Variants in ATF3 observed in about 807,000 individuals in gnomAD.
The protein encoded by ATF3 is activating transcription factor 3.
Under a neutral mutation model 18.4 loss-of-function variants are expected in ATF3, and 10 were observed. The ratio of observed to expected loss-of-function variants is 0.54; its 90% CI spans 0.34 to 0.92. ATF3 has a LOEUF of 0.92. Ranked by LOEUF, ATF3 falls within the 40% of genes least tolerant of loss-of-function variation. The pLI is 0.02. For synonymous variants in ATF3, 78 were observed against 87.9 expected (o/e 0.89, Z 0.63); for missense variants, 183 against 222.3 (o/e 0.82, Z 1.12).
chr1:212,566,578 C>T (rs2102617049), intron 1 of ATF3, among the ~76,000 whole-genome samples: 1 of 152,150 alleles, frequency 6.6e-6, no homozygotes, highest in Non-Finnish European at 1.5e-5. Flanking sequence ...GTGACCAGGG[C>T]ATAGAGGGGG....
intron 1 of ATF3, among the ~76,000 whole-genome samples, chr1:212,589,456 T>A (rs1664841148): frequency 6.6e-6 from 1 of 152,092 alleles, no homozygotes; most frequent in Non-Finnish European, 1.5e-5. Context: ...CATATAAGTG[T>A]ACAGAGGGAA....
chr1:212,579,568 G>T (rs1476966034), intron 1 of ATF3, among the ~76,000 whole-genome samples: 1 of 152,220 alleles, frequency 6.6e-6, no homozygotes, highest in Non-Finnish European at 1.5e-5. Flanking sequence ...TGGGGGAACG[G>T]TCAGCCTAGT....
intron 1 of ATF3, among the ~76,000 whole-genome samples, chr1:212,600,536 A>G (rs1250356295): frequency 1.3e-5 from 2 of 152,268 alleles, no homozygotes; most frequent in Non-Finnish European, 2.9e-5. Flanking sequence ...GACAGAGATG[A>G]GCAGGGCACA....
At chr1:212,617,179 C>CAAGGACCAGG (rs1344868061) in intron 2 of ATF3, among the ~76,000 whole-genome samples, 1 of 152,204 alleles carries the variant, frequency 6.6e-6, no homozygotes, top group Non-Finnish European at 1.5e-5. Context: ...GACAGTAGAG[C>CAAGGACCAGG]AAGGACCAGG....
intron 1 of ATF3, among the ~76,000 whole-genome samples, chr1:212,575,803 T>C (rs1664567469): frequency 6.6e-6 from 1 of 152,186 alleles, no homozygotes; most frequent in Non-Finnish European, 1.5e-5. Flanking sequence ...AAAAGGCCTT[T>C]CTTTTTAATT....
chr1:212,573,881 A>G (rs138327804), intron 1 of ATF3, among the ~76,000 whole-genome samples: 1,854 of 151,734 alleles, frequency 0.012, 30 homozygotes, highest in African/African-American at 0.04. Context: ...TATATTTAAA[A>G]TATCTCCTCC....
intron 1 of ATF3, among the ~76,000 whole-genome samples, chr1:212,575,371 G>T (rs998985641): frequency 6.6e-6 from 1 of 151,890 alleles, no homozygotes; most frequent in South Asian, 2.1e-4. Flanking sequence ...GAATGCTATT[G>T]ATTTTTGCAT....
Position 212,618,239 on chromosome 1 carries a change from GTGCCTTC to G in ATF3, c.348+7_348+13del, listed in dbSNP as rs1655216327. Reference sequence around the variant, plus strand: ...AAGACGGAGTGCCTGCAGAAAGTGAGTGCCTTCTAGCCTTACCCTTCCTCTCGCTCAC... The same window carrying G: ...AAGACGGAGTGCCTGCAGAAAGTGAGTAGCCTTACCCTTCCTCTCGCTCAC... On this transcript the variant is annotated splice_donor_region_variant and intron_variant, in intron 3 of 3. Transcript: ENST00000341491. This position sits in a 1 kb window ranked among gnomAD's most constrained non-coding sequence, Gnocchi z 4.4. The G allele has an allele frequency of 3.1e-6, 5 of 1,613,680 alleles. No homozygotes were observed. The highest frequency in any genetic ancestry group is 4.2e-6 in the Non-Finnish European group (5 of 1,179,704).
chr1:212,567,276 A>G (rs373906944), intron 1 of ATF3, among the ~76,000 whole-genome samples: 6 of 152,044 alleles, frequency 3.9e-5, no homozygotes, highest in East Asian at 3.9e-4. Context: ...TAACATAATT[A>G]TGTTTCAGAA....
rs73077743 is a variant in ATF3 at position 212,600,045 on chromosome 1, C to G, written c.-4-14973C>G. 8.3e-3 allele frequency among the ~76,000 whole-genome samples: 1,268 copies of G among 152,338 alleles called. 13 individuals are homozygous for G. Among genetic ancestry groups the G allele is most frequent in the African/African-American group, 0.029 (1,199 of 41,570 alleles). ...AAAAGGCTATTTTAATTTCAGTACACATAAGAGCATTGTGTTTTGTGAATA... is the reference window on the plus strand; with the variant it reads ...AAAAGGCTATTTTAATTTCAGTACAGATAAGAGCATTGTGTTTTGTGAATA... On this transcript the variant is annotated intron_variant, in intron 1 of 3. Transcript: ENST00000366981.
chr1:212,572,297 C>G (rs1005888587), intron 1 of ATF3, among the ~76,000 whole-genome samples: 2 of 152,016 alleles, frequency 1.3e-5, no homozygotes, highest in Admixed American at 1.3e-4. Context: ...CGGGCGGATC[C>G]CCTGAGGTAG....
intron 1 of ATF3, 113 bp from the exon 2 acceptor site, chr1:212,614,905 T>C (rs1242791576): frequency 2.5e-6 from 4 of 1,592,816 alleles, no homozygotes; most frequent in East Asian, 2.2e-5. Flanking sequence ...CAAGGGCTTA[T>C]GGGACTTTTC....
Position 212,619,160 on chromosome 1 carries a change from T to A in ATF3, c.349-198T>A. The A allele has an allele frequency of 6.2e-7, 1 of 1,613,774 alleles. No individual in the cohort carries two copies. The highest frequency in any genetic ancestry group is 8.5e-7 in the Non-Finnish European group (1 of 1,180,002). ...AGAGCCACAGGCCGCCTCTGTGGCA[T>A]CACCAGGGTTTCTCTGAAGAAGAGG... On this transcript the variant is annotated intron_variant, in intron 3 of 3. Transcript: ENST00000341491. The surrounding 1 kb of genome is among the most constrained non-coding windows in gnomAD (Gnocchi z 4.4).
chr1:212,619,070 A>T lies in ATF3; in HGVS notation c.349-288A>T. The T allele has an allele frequency of 6.2e-7, 1 of 1,614,214 alleles. No individual in the cohort carries two copies. The highest frequency in any genetic ancestry group is 1.1e-5 in the South Asian group (1 of 91,088). On this transcript the variant is annotated intron_variant, in intron 3 of 3. Coordinates refer to ENST00000341491, the MANE Select transcript of ATF3 (RefSeq NM_001674.4). This position sits in a 1 kb window ranked among gnomAD's most constrained non-coding sequence, Gnocchi z 4.4. ...GCTCCCAAGGCCCTTTTGGGTCCAG[A>T]AGACCTGCATATGGGCTGTTGACTC...
At chr1:212,573,679 C>T (rs1431978670) in intron 1 of ATF3, among the ~76,000 whole-genome samples, 1 of 151,806 alleles carries the variant, frequency 6.6e-6, no homozygotes. Flanking sequence ...AGATTTTTTT[C>T]CTGTAAAGTT....
chr1:212,605,710 C>A (rs1030311029), upstream of ATF3, among the ~76,000 whole-genome samples: 9 of 152,172 alleles, frequency 5.9e-5, no homozygotes, highest in African/African-American at 1.9e-4. Context: ...TTTTTAGTTG[C>A]CTAGTTCCTT....
intron 1 of ATF3, among the ~76,000 whole-genome samples, chr1:212,594,693 T>C (rs947197846): frequency 1.3e-5 from 2 of 152,196 alleles, no homozygotes; most frequent in African/African-American, 4.8e-5. Flanking sequence ...GACTCTTTAT[T>C]TCAATCTCCA....
chr1:212,590,438 T>G (rs1257264586), intron 1 of ATF3, among the ~76,000 whole-genome samples: 2 of 151,720 alleles, frequency 1.3e-5, no homozygotes, highest in African/African-American at 4.8e-5. Context: ...AAAAAAAATG[T>G]CACATAAGCA....
chr1:212,599,033 T>A (rs1399507702), intron 1 of ATF3, among the ~76,000 whole-genome samples: 1 of 152,184 alleles, frequency 6.6e-6, no homozygotes, highest in Admixed American at 6.6e-5. Context: ...TTGAGGAGCC[T>A]CCAAACTGTT....
Sources: gnomAD v4.1 joint callset for allele counts (sites outside exome capture counted in the v4.1 genomes callset) on GRCh38, gnomAD v4.1.1 for gene constraint, Gnocchi (gnomAD v3.1) non-coding constraint, MANE v1.5 for transcripts, NCBI Gene and HGNC (gene_info 2026-07-23, HGNC 2026-07-21) for gene names.